Variants in WWTR1 observed in about 807,000 individuals in gnomAD.
WWTR1 encodes WW domain-containing transcription regulator protein 1.
Under a neutral mutation model 40.1 loss-of-function variants are expected in WWTR1, and 13 were observed. The observed-to-expected ratio is 0.32, with a 90% CI of 0.21 to 0.52. The LOEUF is 0.52. Ranked by LOEUF, WWTR1 falls within the 20% of genes least tolerant of loss-of-function variation. The probability of loss-of-function intolerance (pLI) is 0.97; values close to 1 mark genes in which losing one functional copy is unlikely to be tolerated. For missense variants in WWTR1, 436 were observed against 523.1 expected (o/e 0.83, Z 1.63); for synonymous variants, 230 against 210.1 (o/e 1.09, Z -0.82).
intron 2 of WWTR1, among the ~76,000 whole-genome samples, chr3:149,640,478 T>C (rs1197643874): frequency 1.3e-5 from 2 of 152,190 alleles, no homozygotes; most frequent in African/African-American, 4.8e-5. Context: ...TGAAATGCAG[T>C]GCCCCAATCT....
At chr3:149,699,183 C>T (rs1715088257) in intron 1 of WWTR1, among the ~76,000 whole-genome samples, 1 of 152,144 alleles carries the variant, frequency 6.6e-6, no homozygotes, top group Non-Finnish European at 1.5e-5. Flanking sequence ...AACTTTAAGT[C>T]ATTTCTTTGC....
chr3:149,721,465 G>T (rs958406975), intron 4 of WWTR1, among the ~76,000 whole-genome samples: 1 of 152,140 alleles, frequency 6.6e-6, no homozygotes, highest in Non-Finnish European at 1.5e-5. Context: ...CTTAGCCATA[G>T]CGTATAATCT....
intron 2 of WWTR1, among the ~76,000 whole-genome samples, chr3:149,625,098 C>T (rs1387133047): frequency 7.0e-6 from 1 of 142,082 alleles, no homozygotes; most frequent in South Asian, 2.2e-4. Context: ...GACAACTCTA[C>T]CCTTTTTTTT....
At chr3:149,655,336 TC>T (rs1291337420) in intron 2 of WWTR1, among the ~76,000 whole-genome samples, 2 of 151,716 alleles carry the variant, frequency 1.3e-5, no homozygotes, top group Non-Finnish European at 2.9e-5. Flanking sequence ...TCCCAGCTAC[TC>T]AGGAGGCTGA....
At chr3:149,710,580 CCCTT>C (rs1348800444) in intron 5 of WWTR1, among the ~76,000 whole-genome samples, 29 of 84,454 alleles carry the variant, frequency 3.4e-4, no homozygotes, top group South Asian at 1.4e-3. Flanking sequence ...TCCCCCCCCC[CCCTT>C]TTTTTTTTTT....
intron 1 of WWTR1, among the ~76,000 whole-genome samples, chr3:149,689,380 C>CAAAAAAAAAAAAAAAAAAAAAACAAAAA (rs3044083): frequency 2.7e-5 from 1 of 36,696 alleles, no homozygotes; most frequent in African/African-American, 1.2e-4. Context: ...GAACCTATCT[C>CAAAAAAAAAAAAAAAAAAAAAACAAAAA]AAAAAAAAAA....
chr3:149,694,003 A>G lies in WWTR1; in HGVS notation c.-108+9121T>C, dbSNP rs191448225. ...AGCAAAAATGGACAAATTGAATCAA[A>G]TCAAGTTAAAAAGCTTTTGGACAGC... On this transcript the variant is annotated intron_variant, in intron 1 of 7. Transcript: ENST00000465804. 2.6e-5 allele frequency among the ~76,000 whole-genome samples: 4 copies of G among 152,354 alleles called. No homozygotes were observed. The East Asian group carries it at 7.7e-4, about 29-fold the overall frequency.
rs1398433194 is a variant in WWTR1 at position 149,557,803 on chromosome 3, GACCA to G, written c.568+15057_568+15060del. On this transcript the variant is annotated intron_variant, in intron 3 of 6. Coordinates refer to ENST00000360632, the MANE Select transcript of WWTR1 (RefSeq NM_015472.6). ...GGATCACCTGAGGTCAGGAGTTCAA[GACCA>G]GCCTGGCCAACATGGTGAAACCCCA... Among the ~76,000 whole-genome samples the G allele has an allele frequency of 2.5e-3, 374 of 152,114 alleles. 2 individuals are homozygous for G. Among genetic ancestry groups the G allele is most frequent in the African/African-American group, 8.7e-3 (360 of 41,480 alleles).
At chr3:149,575,762 G>A (rs978750761) in intron 2 of WWTR1, among the ~76,000 whole-genome samples, 2 of 152,170 alleles carry the variant, frequency 1.3e-5, no homozygotes, top group East Asian at 1.9e-4. Context: ...ATCTAGCATA[G>A]GAAGCCCAGC....
At chr3:149,693,450 T>C (rs1232560423) in intron 1 of WWTR1, among the ~76,000 whole-genome samples, 1 of 146,232 alleles carries the variant, frequency 6.8e-6, no homozygotes, top group East Asian at 2.0e-4. Context: ...AAAATACCAA[T>C]GACATTCTTC....
At chr3:149,531,824 T>C (rs1316135419) in intron 4 of WWTR1, among the ~76,000 whole-genome samples, 1 of 152,190 alleles carries the variant, frequency 6.6e-6, no homozygotes, top group Non-Finnish European at 1.5e-5. Context: ...GTTTGTCATG[T>C]TCACTCCTGT....
At chr3:149,711,186 C>T (rs1227548992) in intron 5 of WWTR1, among the ~76,000 whole-genome samples, 3 of 139,930 alleles carry the variant, frequency 2.1e-5, no homozygotes, top group African/African-American at 8.1e-5. Context: ...AAAAGGGAGG[C>T]TGGATGTGGT....
chr3:149,567,182 C>T (rs1488582294), intron 3 of WWTR1, among the ~76,000 whole-genome samples: 1 of 147,958 alleles, frequency 6.8e-6, no homozygotes, highest in African/African-American at 2.5e-5. Flanking sequence ...CTAGGATTAT[C>T]ACCAAAAAGG....
At chr3:149,575,505 A>T (rs1252229053) in intron 2 of WWTR1, among the ~76,000 whole-genome samples, 1 of 152,106 alleles carries the variant, frequency 6.6e-6, no homozygotes, top group Non-Finnish European at 1.5e-5. Flanking sequence ...CCTTTCTTAG[A>T]CTCTCTGACA....
At chr3:149,522,445 G>A (rs1044659622) in intron 6 of WWTR1, among the ~76,000 whole-genome samples, 5 of 152,106 alleles carry the variant, frequency 3.3e-5, no homozygotes, top group African/African-American at 1.2e-4. Context: ...TCATTGCAAA[G>A]GGTAGTAAAC....
Position 149,657,137 on chromosome 3 carries a change from T to C in WWTR1, c.170A>G (p.Asp57Gly). Residue 57 changes from aspartate to glycine, a missense_variant, in exon 2 of 7, where the codon GAT (aspartate) becomes GGT (glycine). By Grantham distance (94) the Asp-to-Gly change is moderately conservative. Coordinates refer to ENST00000360632, the MANE Select transcript of WWTR1 (RefSeq NM_015472.6). ...ILPESFFKEP[D>G]SGSHSRQSST... ...GGACTGGCGCGAGTGCGAGCCCGAA[T>C]CAGGCTCCTTAAAGAAAGACTCCGG... 1 of 1,598,586 alleles carries C rather than the reference T, an allele frequency of 6.3e-7. No individual in the cohort carries two copies. Among genetic ancestry groups the C allele is most frequent in the Non-Finnish European group, 8.5e-7 (1 of 1,174,216 alleles).
At chr3:149,628,733 ATTTTTTTTATTTTATTTTATTTTAT>A (rs1711497910) in intron 2 of WWTR1, among the ~76,000 whole-genome samples, 2 of 140,730 alleles carry the variant, frequency 1.4e-5, no homozygotes, top group Non-Finnish European at 3.1e-5. Flanking sequence ...GATTCTTTTT[ATTTTTTTTATTTTATTTTATTTTAT>A]TTTATTTTAT....
rs370203334 is a variant in WWTR1, at chr3:149,601,847, T to TAAGC, written c.432-28851_432-28848dup. ...ACAATGCTAAAGGCAGTACAGCAAG[T>TAAGC]AAGCAAGCCATGTAATCATATGGTA... On this transcript the variant is annotated intron_variant, in intron 2 of 6. Coordinates refer to ENST00000360632, the MANE Select transcript of WWTR1 (RefSeq NM_015472.6). Among the ~76,000 whole-genome samples, 109 of 152,312 alleles carry TAAGC rather than the reference T, an allele frequency of 7.2e-4. 1 individual carries two copies. The highest frequency in any genetic ancestry group is 2.3e-3 in the African/African-American group (94 of 41,566).
intron 1 of WWTR1, among the ~76,000 whole-genome samples, chr3:149,679,377 A>G (rs1403222997): frequency 2.0e-5 from 3 of 152,240 alleles, no homozygotes; most frequent in Non-Finnish European, 2.9e-5. Context: ...TGAGCATGAT[A>G]TAACAATATG....
Sources: gnomAD v4.1 joint callset for allele counts (sites outside exome capture counted in the v4.1 genomes callset) on GRCh38, gnomAD v4.1.1 for gene constraint, MANE v1.5 for transcripts, NCBI Gene and HGNC (gene_info 2026-07-23, HGNC 2026-07-21) for gene names.